AGBL1: variants seen among roughly 807,000 people sequenced by gnomAD.
The protein encoded by AGBL1 is cytosolic carboxypeptidase 4.
A neutral mutation model predicts 118.9 loss-of-function variants in AGBL1; 130 were observed. The ratio of observed to expected loss-of-function variants is 1.09; its 90% CI spans 0.95 to 1.26. The LOEUF is 1.26. Among genes scored for constraint, AGBL1 ranks in the 50% most tolerant of loss-of-function variants. The pLI is 0.00. For synonymous variants in AGBL1, 555 were observed against 478.9 expected (o/e 1.16, Z -2.08); for missense variants, 1,584 against 1,298.1 (o/e 1.22, Z -3.38).
At chr15:86,580,782 G>A (rs956795200) in intron 21 of AGBL1, among the ~76,000 whole-genome samples, 1 of 152,104 alleles carries the variant, frequency 6.6e-6, no homozygotes, top group Non-Finnish European at 1.5e-5. Context: ...ACCCTATAGT[G>A]CTATGGAACA....
chr15:86,802,931 G>A (rs1021408148), intron 22 of AGBL1, among the ~76,000 whole-genome samples: 3 of 152,112 alleles, frequency 2.0e-5, no homozygotes, highest in East Asian at 1.9e-4. Flanking sequence ...TTTTCATGAC[G>A]TAAGATAGGT....
At chr15:86,831,242 A>G (rs910669897) in intron 22 of AGBL1, among the ~76,000 whole-genome samples, 1 of 152,184 alleles carries the variant, frequency 6.6e-6, no homozygotes, top group African/African-American at 2.4e-5. Flanking sequence ...AGACAGAGCC[A>G]AACCATATCA....
rs139490014 is a variant in AGBL1 at position 86,343,395 on chromosome 15, C to G, written c.2374+47987C>G. 1.8e-3 allele frequency among the ~76,000 whole-genome samples: 268 copies of G among 152,244 alleles called. 1 individual carries two copies. The highest frequency in any genetic ancestry group is 3.1e-3 in the Non-Finnish European group (212 of 68,034). On this transcript the variant is annotated intron_variant, in intron 17 of 22. Transcript: ENST00000614907. ...CTAAGTACCTGTAATGGCTCCCTCC[C>G]CTTGTGTCTTGAGGCTAGGGGTCTT...
At chr15:86,712,042 C>T (rs2086568680) in intron 22 of AGBL1, among the ~76,000 whole-genome samples, 1 of 152,148 alleles carries the variant, frequency 6.6e-6, no homozygotes, top group Non-Finnish European at 1.5e-5. Flanking sequence ...AGATACAGAG[C>T]TGAGTGCTAT....
intron 22 of AGBL1, among the ~76,000 whole-genome samples, chr15:86,793,377 T>C (rs1299694864): frequency 1.3e-5 from 2 of 152,142 alleles, no homozygotes; most frequent in Non-Finnish European, 2.9e-5. Context: ...TCCAAGATCA[T>C]TCAGTAGGGA....
intron 22 of AGBL1, among the ~76,000 whole-genome samples, chr15:86,725,805 C>G (rs1040139289): frequency 6.6e-6 from 1 of 152,100 alleles, no homozygotes. Context: ...ATGAATCAAC[C>G]CTAAGTACAA....
rs549977632 is a variant in AGBL1, at chr15:86,669,159, C to G, written c.2995-5114C>G. Among the ~76,000 whole-genome samples the G allele has an allele frequency of 3.9e-5, 6 of 152,118 alleles. No homozygotes were observed. The South Asian group carries it at 8.3e-4, about 21-fold the overall frequency. On this transcript the variant is annotated intron_variant, in intron 21 of 22. Coordinates refer to ENST00000614907, the MANE Select transcript of AGBL1 (RefSeq NM_001386094.1). ...AAATAATTGAGCAAACAGGACTACA[C>G]TACTGACACTCAACAGAAAAATCAA...
intron 23 of AGBL1, among the ~76,000 whole-genome samples, chr15:86,925,150 G>GAGGAGGAGGAGA (rs1428628302): frequency 4.4e-5 from 1 of 22,764 alleles, no homozygotes; most frequent in African/African-American, 9.6e-5. Flanking sequence ...GGAAGAGGAG[G>GAGGAGGAGGAGA]AGGAGGAGGA....
chr15:86,261,758 A>G (rs1461026052), intron 9 of AGBL1, among the ~76,000 whole-genome samples: 1 of 152,162 alleles, frequency 6.6e-6, no homozygotes, highest in Non-Finnish European at 1.5e-5. Flanking sequence ...GAGAGTCACC[A>G]TCATCATTAA....
At chr15:86,744,464 A>G (rs1460249787) in intron 22 of AGBL1, among the ~76,000 whole-genome samples, 1 of 152,122 alleles carries the variant, frequency 6.6e-6, no homozygotes. Flanking sequence ...CTTCCTAGAT[A>G]ATGAGCAGAT....
At chr15:86,507,735 C>A (rs1032518195) in intron 18 of AGBL1, among the ~76,000 whole-genome samples, 9 of 152,084 alleles carry the variant, frequency 5.9e-5, no homozygotes, top group African/African-American at 2.2e-4. Flanking sequence ...AGTTAAGAAA[C>A]CCTTGACATA....
chr15:86,266,327 A>C (rs2079070560), intron 11 of AGBL1, 47 bp from the exon 12 acceptor site: 1 of 1,426,474 alleles, frequency 7.0e-7, no homozygotes, highest in Non-Finnish European at 9.6e-7. Context: ...TGAGTGAGCT[A>C]GGGAGAGAAG....
chr15:86,904,704 C>A (rs566175903), intron 22 of AGBL1, among the ~76,000 whole-genome samples: 17 of 149,340 alleles, frequency 1.1e-4, no homozygotes, highest in African/African-American at 4.1e-4. Flanking sequence ...AATGACAAAA[C>A]CATATTTGTT....
chr15:86,678,633 T>G (rs2085891957), intron 22 of AGBL1, among the ~76,000 whole-genome samples: 1 of 152,112 alleles, frequency 6.6e-6, no homozygotes, highest in African/African-American at 2.4e-5. Context: ...ACATTGAATA[T>G]TTTTGCTTTC....
At chr15:86,793,130 A>G (rs550141212) in intron 22 of AGBL1, among the ~76,000 whole-genome samples, 12 of 152,316 alleles carry the variant, frequency 7.9e-5, no homozygotes, top group Non-Finnish European at 1.8e-4. Flanking sequence ...TTCATGATAA[A>G]ACATTTATTA....
intron 16 of AGBL1, among the ~76,000 whole-genome samples, chr15:86,290,217 A>G (rs1461336141): frequency 6.6e-6 from 1 of 151,884 alleles, no homozygotes; most frequent in Admixed American, 6.6e-5. Flanking sequence ...TAATATAGTA[A>G]CCATATTTTT....
chr15:86,364,981 A>ATATATATATATATATATATATATG (rs2080861626), intron 17 of AGBL1, among the ~76,000 whole-genome samples: 3 of 76,282 alleles, frequency 3.9e-5, no homozygotes, highest in African/African-American at 4.1e-5. Flanking sequence ...ATATATATAT[A>ATATATATATATATATATATATATG]TATATATACA....
intron 22 of AGBL1, among the ~76,000 whole-genome samples, chr15:86,858,064 C>T (rs17702548): frequency 0.17 from 26,412 of 152,124 alleles, 2,608 homozygotes; most frequent in South Asian, 0.22. Context: ...ATATCCACTA[C>T]ACACAGGCTA....
chr15:86,363,141 T>C (rs1427876140), intron 17 of AGBL1, among the ~76,000 whole-genome samples: 1 of 151,976 alleles, frequency 6.6e-6, no homozygotes, highest in African/African-American at 2.4e-5. Context: ...GGGATCTCCT[T>C]GGTTATGAGC....
Sources: allele counts gnomAD v4.1 joint callset (sites outside exome capture counted in the v4.1 genomes callset), GRCh38; gene constraint gnomAD v4.1.1; transcripts MANE v1.5; gene names NCBI Gene and HGNC (gene_info 2026-07-23, HGNC 2026-07-21).